CNTN4: variants seen among roughly 807,000 people sequenced by gnomAD.
CNTN4 encodes the protein contactin 4.
A neutral mutation model predicts 122.5 loss-of-function variants in CNTN4; 77 were observed. The ratio of observed to expected loss-of-function variants is 0.63; its 90% CI spans 0.52 to 0.76. The LOEUF is 0.76. CNTN4 is among the 30% of genes least tolerant of loss of function. The probability of loss-of-function intolerance (pLI) is 0.00; values close to 1 mark genes in which losing one functional copy is unlikely to be tolerated. For synonymous variants in CNTN4, 512 were observed against 447.0 expected, an observed-to-expected ratio of 1.15 and a Z score of -1.83; for missense variants, 1,256 against 1,259.1, an observed-to-expected ratio of 1.00 and a Z score of 0.04.
intron 2 of CNTN4, among the ~76,000 whole-genome samples, chr3:2,258,475 A>T (rs1433383043): frequency 6.6e-6 from 1 of 152,166 alleles, no homozygotes; most frequent in Non-Finnish European, 1.5e-5. Flanking sequence ...AATAAGTAAG[A>T]AGTACATCTA....
rs58921315 is a variant in CNTN4 at position 2,716,778 on chromosome 3, C to T, written c.56-19437C>T. ...ACCCCTTACCACCTAGTAGCCCTTTCCAACACCTTCTTTCCCTCATATACT... is the reference window on the plus strand; with the variant it reads ...ACCCCTTACCACCTAGTAGCCCTTTTCAACACCTTCTTTCCCTCATATACT... On this transcript the variant is annotated intron_variant, in intron 4 of 24. Coordinates refer to ENST00000418658, the MANE Select transcript of CNTN4 (RefSeq NM_175607.3). Among the ~76,000 whole-genome samples, 1,302 of 152,314 alleles carry T rather than the reference C, an allele frequency of 8.5e-3. 19 individuals carry two copies. Among genetic ancestry groups the T allele is most frequent in the African/African-American group, 0.029 (1,211 of 41,572 alleles).
At chr3:2,534,770 G>C (rs1474397730) in intron 3 of CNTN4, among the ~76,000 whole-genome samples, 2 of 143,302 alleles carry the variant, frequency 1.4e-5, no homozygotes, top group Non-Finnish European at 3.1e-5. Flanking sequence ...GTCGTTAAAA[G>C]CTGCCATTTT....
intron 13 of CNTN4, 30 bp from the exon 14 acceptor site, chr3:2,988,315 C>T (rs758276604): frequency 6.2e-7 from 1 of 1,610,554 alleles, no homozygotes; most frequent in Admixed American, 1.7e-5. Flanking sequence ...ATAAATTTCA[C>T]CATTTTTGGT....
At chr3:2,353,541 G>C (rs2044732996) in intron 3 of CNTN4, among the ~76,000 whole-genome samples, 1 of 152,122 alleles carries the variant, frequency 6.6e-6, no homozygotes, top group Admixed American at 6.5e-5. Flanking sequence ...GGGAAGGTCT[G>C]CAGTTTCACT....
intron 3 of CNTN4, among the ~76,000 whole-genome samples, chr3:2,526,434 C>T (rs943914324): frequency 3.3e-5 from 5 of 151,984 alleles, no homozygotes; most frequent in Admixed American, 1.3e-4. Context: ...TTCCTAGTAT[C>T]TGTAATTGCT....
At chr3:2,111,133 CT>C (rs1559251128) in intron 2 of CNTN4, among the ~76,000 whole-genome samples, 1 of 152,022 alleles carries the variant, frequency 6.6e-6, no homozygotes, top group Non-Finnish European at 1.5e-5. Flanking sequence ...CCTTTATTTT[CT>C]TTTTTAAATC....
intron 2 of CNTN4, among the ~76,000 whole-genome samples, chr3:2,123,444 A>G (rs2033923603): frequency 6.6e-6 from 1 of 152,158 alleles, no homozygotes; most frequent in Admixed American, 6.5e-5. Flanking sequence ...GTCAGTATCC[A>G]GGCAAATTTA....
At chr3:2,922,035 A>G (rs1449425010) in intron 12 of CNTN4, among the ~76,000 whole-genome samples, 1 of 152,192 alleles carries the variant, frequency 6.6e-6, no homozygotes, top group Admixed American at 6.5e-5. Flanking sequence ...AGTTCATTCT[A>G]ATACTGAGGG....
chr3:2,636,295 G>A (rs556877743), intron 4 of CNTN4, among the ~76,000 whole-genome samples: 11 of 152,300 alleles, frequency 7.2e-5, no homozygotes, highest in Admixed American at 6.5e-5. Flanking sequence ...GCATCAGAAT[G>A]TACTTCATCC....
intron 3 of CNTN4, among the ~76,000 whole-genome samples, chr3:2,340,585 C>T (rs543984559): frequency 2.7e-5 from 4 of 150,028 alleles, no homozygotes; most frequent in South Asian, 2.1e-4. Context: ...AAAGCTGAAG[C>T]GAAAGGATCA....
chr3:2,847,149 A>G (rs2093469412), intron 7 of CNTN4, among the ~76,000 whole-genome samples: 1 of 146,148 alleles, frequency 6.8e-6, no homozygotes, highest in African/African-American at 2.5e-5. Flanking sequence ...TTATCAGGAG[A>G]GAAAAGGCAA....
At chr3:2,747,216 T>C (rs1400137367) in intron 6 of CNTN4, among the ~76,000 whole-genome samples, 6 of 152,124 alleles carry the variant, frequency 3.9e-5, no homozygotes, top group South Asian at 2.1e-4. Context: ...GAGACCATCC[T>C]GGCTAACACG....
intron 13 of CNTN4, 69 bp downstream of exon 13, chr3:2,925,848 C>T (rs1040622395): frequency 7.2e-6 from 10 of 1,386,092 alleles, no homozygotes; most frequent in Non-Finnish European, 1.0e-5. Context: ...ATTAATAATT[C>T]TAAGGGGAAG....
chr3:2,219,334 A>G (rs1240681227), intron 2 of CNTN4, among the ~76,000 whole-genome samples: 1 of 152,234 alleles, frequency 6.6e-6, no homozygotes, highest in Admixed American at 6.5e-5. Context: ...AGTGTTACAG[A>G]AAATTTCTAG....
chr3:2,683,327 T>TAC (rs10601751), intron 4 of CNTN4, among the ~76,000 whole-genome samples: 1,575 of 149,352 alleles, frequency 0.011, 14 homozygotes, highest in African/African-American at 0.019. Flanking sequence ...TGCACACATG[T>TAC]ACACACACAC....
intron 7 of CNTN4, among the ~76,000 whole-genome samples, chr3:2,840,525 C>A (rs1413952520): frequency 1.1e-5 from 1 of 92,970 alleles, no homozygotes; most frequent in Non-Finnish European, 2.4e-5. Flanking sequence ...ACGGTGAAAC[C>A]CCGTCTCTAC....
At chr3:2,400,413 A>ATATATATATATATG (rs1553640878) in intron 3 of CNTN4, among the ~76,000 whole-genome samples, 12 of 62,656 alleles carry the variant, frequency 1.9e-4, no homozygotes, top group African/African-American at 5.6e-4. Context: ...GAATATATAT[A>ATATATATATATATG]TATATATATA....
At chr3:2,352,765 G>T (rs1018085302) in intron 3 of CNTN4, among the ~76,000 whole-genome samples, 1 of 152,248 alleles carries the variant, frequency 6.6e-6, no homozygotes. Flanking sequence ...GGGCTGAGGA[G>T]TGCAGGTGCA....
Position 2,399,740 on chromosome 3 carries a change from C to T in CNTN4, c.-89+60507C>T, listed in dbSNP as rs143537574. On this transcript the variant is annotated intron_variant, in intron 3 of 24. Transcript: ENST00000418658. ...TCTCTAAAAATCACTGCAATTAATT[C>T]TAGTTTGGGTTAATAATGGATTTGG... Among the ~76,000 whole-genome samples, 192 of 152,056 alleles carry T rather than the reference C, an allele frequency of 1.3e-3. 2 individuals are homozygous for T. The highest frequency in any genetic ancestry group is 4.5e-3 in the African/African-American group (186 of 41,516).
Sources: gnomAD v4.1 joint callset for allele counts (sites outside exome capture counted in the v4.1 genomes callset) on GRCh38, gnomAD v4.1.1 for gene constraint, MANE v1.5 for transcripts, NCBI Gene and HGNC (gene_info 2026-07-23, HGNC 2026-07-21) for gene names.